CD274: variants seen among roughly 807,000 people sequenced by gnomAD.
The protein encoded by CD274 is programmed cell death 1 ligand 1.
In CD274, 8 loss-of-function variants were observed where a neutral mutation model predicts 30.1. The ratio of observed to expected loss-of-function variants is 0.27; its 90% CI spans 0.16 to 0.48. The LOEUF is 0.48. Among genes scored for constraint, CD274 ranks in the 20% least tolerant of loss-of-function variants. The pLI is 0.99. For missense variants in CD274, 353 were observed against 346.6 expected (o/e 1.02, Z -0.15); for synonymous variants, 152 against 124.6 (o/e 1.22, Z -1.46).
Position 5,469,479 on chromosome 9 carries a change from A to G in CD274, c.*1617A>G, listed in dbSNP as rs2131238388. 1 of 231,126 alleles carries G rather than the reference A, an allele frequency of 4.3e-6. No individual in the cohort carries two copies. Among genetic ancestry groups the G allele is most frequent in the Non-Finnish European group, 8.6e-6 (1 of 116,760 alleles). 14.3% of individuals were successfully genotyped at this position (231,126 alleles called of 1,614,324 possible). A position where few individuals can be genotyped will look rare whatever the true frequency, so the allele number is the denominator to read the frequency against. The stretch of plus-strand genomic sequence containing the variant: ...TCTACATTTGGAAATGTATGTTAAA[A>G]GCACGTATTTTTAAAATTTTTTTCC... On this transcript the variant is annotated 3_prime_UTR_variant, in exon 7 of 7. Coordinates refer to ENST00000381577, the MANE Select transcript of CD274 (RefSeq NM_014143.4).
chr9:5,463,407 C>T (rs963455369), intron 4 of CD274, among the ~76,000 whole-genome samples: 2 of 152,118 alleles, frequency 1.3e-5, no homozygotes, highest in African/African-American at 4.8e-5. Context: ...CTTCAGGAAA[C>T]AGATAAAAAA....
Position 5,468,084 on chromosome 9 carries a change from T to C in CD274, c.*222T>C. 1 of 578,778 alleles carries C rather than the reference T, an allele frequency of 1.7e-6. No individual in the cohort carries two copies. The highest frequency in any genetic ancestry group is 3.1e-6 in the Non-Finnish European group (1 of 324,496). 35.9% of individuals were successfully genotyped at this position (578,778 alleles called of 1,614,324 possible). On this transcript the variant is annotated 3_prime_UTR_variant, in exon 7 of 7. Transcript: ENST00000381577. ...AGCCTGGAGGGAGACCTTGATACTT[T>C]CAAATGCCTGAGGGGCTCATCGACG...
chr9:5,467,768 T>C, intron 6 of CD274, 72 bp from the exon 7 acceptor site: 1 of 1,208,792 alleles, frequency 8.3e-7, no homozygotes, highest in Admixed American at 1.7e-5. Context: ...AGTTATGTTT[T>C]TTATTAGATT....
Position 5,463,329 on chromosome 9 carries a change from A to T in CD274, c.682+208A>T, listed in dbSNP as rs1368920227. 4 of 575,156 alleles carry T rather than the reference A, an allele frequency of 7.0e-6. No homozygotes were observed. In the East Asian group the frequency reaches 1.2e-4, roughly 17 times the overall value. The allele number at this position is 575,156 out of a possible 1,614,324, so 35.6% of individuals were successfully genotyped here. Reference sequence around the variant, plus strand: ...AACATTCAGCAGATATTTATGGAATATACCTTTTGTTCCATGCATTGTAGT... The same window carrying T: ...AACATTCAGCAGATATTTATGGAATTTACCTTTTGTTCCATGCATTGTAGT... On this transcript the variant is annotated intron_variant, in intron 4 of 6. Transcript: ENST00000381577.
intron 5 of CD274, among the ~76,000 whole-genome samples, chr9:5,466,144 A>C (rs1472549521): frequency 2.0e-5 from 3 of 152,214 alleles, no homozygotes; most frequent in Admixed American, 2.0e-4. Flanking sequence ...AGTCAGAGTA[A>C]ATAATTCCTC....
In CD274 at chr9:5,465,496, C is replaced by T. The variant is rs753626864; in HGVS notation, c.683-3C>T. 1.3e-6 allele frequency: 2 copies of T among 1,586,258 alleles called. No homozygotes were observed. The highest frequency in any genetic ancestry group is 1.7e-6 in the Non-Finnish European group (2 of 1,155,282). ...TTTGTTTTCGTTTTGTTTTGTTTTT[C>T]AGAACTACCTCTGGCACATCCTCCA... On this transcript the variant is annotated splice_polypyrimidine_tract_variant and splice_region_variant and intron_variant, in intron 4 of 6. Transcript: ENST00000381577.
At position 5,457,068 on chromosome 9, in the gene CD274, T is replaced by C. The variant is rs2131210815; in HGVS notation, c.53-11T>C. 1 of 1,575,858 alleles carries C rather than the reference T, an allele frequency of 6.3e-7. No individual in the cohort carries two copies. Among genetic ancestry groups the C allele is most frequent in the Non-Finnish European group, 8.7e-7 (1 of 1,152,444 alleles). On this transcript the variant is annotated splice_polypyrimidine_tract_variant and intron_variant, in intron 2 of 6. Coordinates refer to ENST00000381577, the MANE Select transcript of CD274 (RefSeq NM_014143.4). Reference sequence around the variant, plus strand: ...TTCCCTTTTCTGAAGATTGTCCTTCTTTCTTTTTAGCATTTACTGTCACGG... The same window carrying C: ...TTCCCTTTTCTGAAGATTGTCCTTCCTTCTTTTTAGCATTTACTGTCACGG...
Position 5,465,540 on chromosome 9 carries a change from G to C in CD274, c.724G>C (p.Val242Leu), listed in dbSNP as rs1373165399. The C allele has an allele frequency of 6.2e-7, 1 of 1,612,264 alleles. No homozygotes were observed. Among genetic ancestry groups the C allele is most frequent in the Non-Finnish European group, 8.5e-7 (1 of 1,178,374 alleles). The change falls in exon 5 of 7, where the codon GTA (valine) becomes CTA (leucine). Residue 242 changes from valine to leucine, a missense_variant. Coordinates refer to ENST00000381577, the MANE Select transcript of CD274 (RefSeq NM_014143.4). Reference sequence around the variant, plus strand: ...TCCTCCAAATGAAAGGACTCACTTGGTAATTCTGGGAGCCATCTTATTATG... The same window carrying C: ...TCCTCCAAATGAAAGGACTCACTTGCTAATTCTGGGAGCCATCTTATTATG... Reference protein sequence around the residue: ...AHPPNERTHLVILGAILLCLG... With the variant: ...AHPPNERTHLLILGAILLCLG...
At chr9:5,451,638 G>C (rs1819205431) in intron 1 of CD274, among the ~76,000 whole-genome samples, 1 of 152,164 alleles carries the variant, frequency 6.6e-6, no homozygotes, top group Non-Finnish European at 1.5e-5. Flanking sequence ...GTAGGCAGAG[G>C]CCACATGACA....
chr9:5,467,678 A>G (rs1819519796), intron 6 of CD274, among the ~76,000 whole-genome samples, 162 bp from the exon 7 acceptor site: 1 of 152,182 alleles, frequency 6.6e-6, no homozygotes, highest in Admixed American at 6.5e-5. Context: ...CCAGGATATC[A>G]TGTAAGGATA....
Position 5,450,604 on chromosome 9 carries a change from G to C in CD274, c.-15+8G>C, listed in dbSNP as rs1005437658. 2.0e-5 allele frequency: 3 copies of C among 152,302 alleles called. No individual in the cohort carries two copies. Among genetic ancestry groups the C allele is most frequent in the Non-Finnish European group, 4.4e-5 (3 of 68,084 alleles). 9.4% of individuals were successfully genotyped at this position (152,302 alleles called of 1,614,324 possible). A position where few individuals can be genotyped will look rare whatever the true frequency, so the allele number is the denominator to read the frequency against. The stretch of plus-strand genomic sequence containing the variant: ...GCTTCTGTCCGCCTGCAGGTAGGGA[G>C]CGTTGTTCCTCCGCGGGTGCCCACG... On this transcript the variant is annotated splice_region_variant and intron_variant, in intron 1 of 6. Coordinates refer to ENST00000381577, the MANE Select transcript of CD274 (RefSeq NM_014143.4).
chr9:5,460,217 A>T (rs1819380289), intron 3 of CD274, among the ~76,000 whole-genome samples: 1 of 152,186 alleles, frequency 6.6e-6, no homozygotes, highest in Non-Finnish European at 1.5e-5. Context: ...GTGAAAATTT[A>T]TTTCCAGACT....
chr9:5,470,404 A>G lies in CD274; in HGVS notation c.*2542A>G, dbSNP rs531381033. On this transcript the variant is annotated 3_prime_UTR_variant, in exon 7 of 7. Transcript: ENST00000381577. Reference sequence around the variant, plus strand: ...ATGTTTCATCGTAAATGGCATAGGCAGAGATGATACCTAATTCTGCATTTG... The same window carrying G: ...ATGTTTCATCGTAAATGGCATAGGCGGAGATGATACCTAATTCTGCATTTG... 37 of 231,324 alleles carry G rather than the reference A, an allele frequency of 1.6e-4. No individual in the cohort carries two copies. Among genetic ancestry groups the G allele is most frequent in the Non-Finnish European group, 2.8e-4 (33 of 116,906 alleles). 14.3% of individuals were successfully genotyped at this position (231,324 alleles called of 1,614,324 possible). A position where few individuals can be genotyped will look rare whatever the true frequency, so the allele number is the denominator to read the frequency against.
Position 5,468,775 on chromosome 9 carries a change from A to G in CD274, c.*913A>G, listed in dbSNP as rs919853270. 4.3e-6 allele frequency: 1 copy of G among 233,032 alleles called. No individual in the cohort carries two copies. Among genetic ancestry groups the G allele is most frequent in the Admixed American group, 5.6e-5 (1 of 17,778 alleles). The allele number at this position is 233,032 out of a possible 1,614,324, so 14.4% of individuals were successfully genotyped here. A position where few individuals can be genotyped will look rare whatever the true frequency, so the allele number is the denominator to read the frequency against. Reference sequence around the variant, plus strand: ...ACAGATTAAGTAACTTGCCCAAACCAGTAAATAGCAGACCTCAGACTGCCA... The same window carrying G: ...ACAGATTAAGTAACTTGCCCAAACCGGTAAATAGCAGACCTCAGACTGCCA... On this transcript the variant is annotated 3_prime_UTR_variant, in exon 7 of 7. Transcript: ENST00000381577.
chr9:5,468,725 A>C lies in CD274; in HGVS notation c.*863A>C, dbSNP rs1819538049. 1 of 232,918 alleles carries C rather than the reference A, an allele frequency of 4.3e-6. No individual in the cohort carries two copies. Among genetic ancestry groups the C allele is most frequent in the Non-Finnish European group, 8.5e-6 (1 of 117,920 alleles). The allele number at this position is 232,918 out of a possible 1,614,324, so 14.4% of individuals were successfully genotyped here. ...CTGTTGTGATAACCACTATTATTTT[A>C]CCCATCGTACAGCTGAGGAAGCAAA... On this transcript the variant is annotated 3_prime_UTR_variant, in exon 7 of 7. Coordinates refer to ENST00000381577, the MANE Select transcript of CD274 (RefSeq NM_014143.4).
chr9:5,464,310 A>C (rs1819459927), intron 4 of CD274, among the ~76,000 whole-genome samples: 1 of 152,100 alleles, frequency 6.6e-6, no homozygotes, highest in Non-Finnish European at 1.5e-5. Context: ...TCATCTGTAA[A>C]TTGGGGATTT....
chr9:5,467,140 A>G (rs1159993722), intron 6 of CD274, among the ~76,000 whole-genome samples: 1 of 152,144 alleles, frequency 6.6e-6, no homozygotes, highest in Non-Finnish European at 1.5e-5. Flanking sequence ...CAGTATTGTA[A>G]TACTATGTTA....
chr9:5,456,274 A>G lies in CD274; in HGVS notation c.52+109A>G, dbSNP rs1224133247. ...CATGCAATTTTCTTATAGAGAGAACATTCTATTCTTTCTTCTACTTTACAC... is the reference window on the plus strand; with the variant it reads ...CATGCAATTTTCTTATAGAGAGAACGTTCTATTCTTTCTTCTACTTTACAC... On this transcript the variant is annotated intron_variant, in intron 2 of 6. Coordinates refer to ENST00000381577, the MANE Select transcript of CD274 (RefSeq NM_014143.4). The G allele has an allele frequency of 4.3e-6, 3 of 699,010 alleles. No homozygotes were observed. In the East Asian group the frequency reaches 8.4e-5, roughly 20 times the overall value. The allele number at this position is 699,010 out of a possible 1,614,324, so 43.3% of individuals were successfully genotyped here.
chr9:5,460,962 C>A (rs756243682), intron 3 of CD274, among the ~76,000 whole-genome samples: 3 of 151,992 alleles, frequency 2.0e-5, no homozygotes, highest in Non-Finnish European at 2.9e-5. Flanking sequence ...CTGGTTCAAC[C>A]TAATAGACAT....
Sources: gnomAD v4.1 joint callset for allele counts (sites outside exome capture counted in the v4.1 genomes callset) on GRCh38, gnomAD v4.1.1 for gene constraint, MANE v1.5 for transcripts, NCBI Gene and HGNC (gene_info 2026-07-23, HGNC 2026-07-21) for gene names.